The following LIPC variants were observed in gnomAD, a reference collection of about 807,000 sequenced individuals.
LIPC encodes hepatic triacylglycerol lipase.
LIPC carries 44 observed loss-of-function variants against 50.7 expected under a neutral mutation model. The observed-to-expected ratio is 0.87, with a 90% CI of 0.68 to 1.11. The LOEUF (loss-of-function observed/expected upper bound fraction) is 1.11. Ranked by LOEUF, LIPC falls within the 50% of genes most tolerant of loss-of-function variation. The pLI is 0.00. For synonymous variants in LIPC, 271 were observed against 256.4 expected (o/e 1.06, Z -0.54); for missense variants, 697 against 648.2 (o/e 1.08, Z -0.82).
At chr15:58,455,605 G>T (rs1418036593) in intron 1 of LIPC, among the ~76,000 whole-genome samples, 1 of 152,040 alleles carries the variant, frequency 6.6e-6, no homozygotes, top group Non-Finnish European at 1.5e-5. Flanking sequence ...TTTCATTTTT[G>T]TCTTCTTCAT....
intron 5 of LIPC, among the ~76,000 whole-genome samples, chr15:58,547,542 C>A (rs1893579132): frequency 6.6e-6 from 1 of 151,988 alleles, no homozygotes; most frequent in Admixed American, 6.6e-5. Flanking sequence ...TGTGCTGTCC[C>A]TTTACAGCAA....
intron 1 of LIPC, among the ~76,000 whole-genome samples, chr15:58,441,271 A>T (rs1595848550): frequency 1.3e-5 from 2 of 152,358 alleles, no homozygotes; most frequent in South Asian, 4.1e-4. Flanking sequence ...AAATCATGGG[A>T]AAGATTAACA....
intron 1 of LIPC, chr15:58,521,905 ATCTCTCTCTC>A (rs34288605): frequency 1.3e-5 from 2 of 148,466 alleles, no homozygotes; most frequent in East Asian, 2.0e-4. Flanking sequence ...ACGCTCTGTC[ATCTCTCTCTC>A]TCTCTCTCTC....
intron 1 of LIPC, among the ~76,000 whole-genome samples, chr15:58,463,271 G>T (rs1375542349): frequency 1.3e-5 from 2 of 152,228 alleles, no homozygotes; most frequent in African/African-American, 4.8e-5. Context: ...GGCCACTTGC[G>T]TAGAGCAAAG....
At chr15:58,566,514 C>T (rs1206677913) in intron 8 of LIPC, 1 of 936,550 alleles carries the variant, frequency 1.1e-6, no homozygotes, top group Non-Finnish European at 1.3e-6. Flanking sequence ...GACCAAAATC[C>T]CAGAATCGGG....
intron 1 of LIPC, chr15:58,436,907 G>T: frequency 2.2e-6 from 1 of 454,022 alleles, no homozygotes; most frequent in South Asian, 1.6e-5. Context: ...TTTCAAAAAA[G>T]ACCATCTAGG....
At chr15:58,518,859 A>G (rs1473837419) in intron 1 of LIPC, among the ~76,000 whole-genome samples, 2 of 151,896 alleles carry the variant, frequency 1.3e-5, no homozygotes, top group East Asian at 1.9e-4. Flanking sequence ...CTCTGCCTTG[A>G]TGGTGGTGGT....
At position 58,538,364 on chromosome 15, in the gene LIPC, A is replaced by G. The variant is rs150009389; in HGVS notation, c.120A>G (p.Glu40=). 4.3e-5 allele frequency: 69 copies of G among 1,614,066 alleles called. No individual in the cohort carries two copies. Among genetic ancestry groups the G allele is most frequent in the Non-Finnish European group, 4.8e-5 (57 of 1,180,036 alleles). ...TTGGAAGAAGAGCTCAAGCTGTTGA[A>G]ACAAACAAAACGCTGCATGAGATGA... is the stretch of plus-strand genomic sequence containing the variant. ...EPFGRRAQAV[E]TNKTLHEMKT... The change falls in exon 2 of 9, where the codon GAA becomes GAG. Residue 40 remains glutamate (E), a synonymous_variant. Coordinates refer to ENST00000299022, the MANE Select transcript of LIPC (RefSeq NM_000236.3).
chr15:58,469,102 TTGTGTGTGTGTGTGTGTGTG>T (rs56309142), intron 1 of LIPC, among the ~76,000 whole-genome samples: 154 of 140,716 alleles, frequency 1.1e-3, no homozygotes, highest in African/African-American at 4.0e-3. Flanking sequence ...AGGGAACATT[TTGTGTGTGTGTGTGTGTGTG>T]TGTGTGTGTG....
At chr15:58,479,334 G>C (rs528657514) in intron 1 of LIPC, among the ~76,000 whole-genome samples, 1 of 152,356 alleles carries the variant, frequency 6.6e-6, no homozygotes, top group South Asian at 2.1e-4. Context: ...TATTAATGCA[G>C]AGTTCTAGTG....
At chr15:58,514,986 T>G (rs1235070119) in intron 1 of LIPC, among the ~76,000 whole-genome samples, 1 of 152,240 alleles carries the variant, frequency 6.6e-6, no homozygotes, top group Non-Finnish European at 1.5e-5. Context: ...CTGGAGACTC[T>G]GAGGACAGAA....
Position 58,520,112 on chromosome 15 carries a change from G to GTTT in LIPC, c.89-18213_89-18211dup, listed in dbSNP as rs10631480. On this transcript the variant is annotated intron_variant, in intron 1 of 8. Coordinates refer to ENST00000299022, the MANE Select transcript of LIPC (RefSeq NM_000236.3). The stretch of plus-strand genomic sequence containing the variant: ...TTTTCGGCACCTCAGGTTTTGGGCT[G>GTTT]TTTTTTTTTTGTTTTTTTTTTAATC... Among the ~76,000 whole-genome samples, 131 of 123,476 alleles carry GTTT rather than the reference G, an allele frequency of 1.1e-3. 7 individuals carry two copies. Among genetic ancestry groups the GTTT allele is most frequent in the Middle Eastern group, 4.4e-3 (1 of 226 alleles). The allele number at this position is 123,476 out of a possible 152,430, so 81.0% of individuals were successfully genotyped here.
rs1161464498 is a variant in LIPC, at chr15:58,432,039, A to G, written c.7A>G (p.Thr3Ala). Reference sequence around the variant, plus strand: ...CCCCGGGTGAAACGGAGAAATGGACACAAGTCCCCTGTGTTTCTCCATTCT... The same window carrying G: ...CCCCGGGTGAAACGGAGAAATGGACGCAAGTCCCCTGTGTTTCTCCATTCT... MD[T>A]SPLCFSILLV... The change falls in exon 1 of 9, where the codon ACA becomes GCA. Residue 3 changes from threonine (T) to alanine (A), a missense_variant. Thr to Ala is a moderately conservative substitution (Grantham distance 58, BLOSUM62 0). Coordinates refer to ENST00000299022, the MANE Select transcript of LIPC (RefSeq NM_000236.3). 3 of 1,613,298 alleles carry G rather than the reference A, an allele frequency of 1.9e-6. No individual in the cohort carries two copies. In the African/African-American group the frequency reaches 4.0e-5, roughly 22 times the overall value.
rs181201652 is a variant in LIPC at position 58,459,813 on chromosome 15, G to A, written c.88+27693G>A. On this transcript the variant is annotated intron_variant, in intron 1 of 8. Transcript: ENST00000299022. ...CCTTACCCCTTGGGGGAAGGACAGA[G>A]GTATCTGAGGGATTCAGCCCTGGGC... 7.9e-5 allele frequency among the ~76,000 whole-genome samples: 12 copies of A among 152,358 alleles called. No homozygotes were observed. The East Asian group carries it at 9.7e-4, about 12-fold the overall frequency.
intron 1 of LIPC, among the ~76,000 whole-genome samples, chr15:58,531,640 A>AAAAG (rs1361942788): frequency 6.6e-6 from 1 of 151,148 alleles, no homozygotes; most frequent in African/African-American, 2.4e-5. Flanking sequence ...AAAAAAAAAA[A>AAAAG]AAAACCCCAG....
intron 1 of LIPC, among the ~76,000 whole-genome samples, chr15:58,448,093 G>A (rs1218418112): frequency 6.6e-6 from 1 of 152,118 alleles, no homozygotes; most frequent in Non-Finnish European, 1.5e-5. Flanking sequence ...CAAGCCCTTT[G>A]CAACAAGTTC....
In LIPC at chr15:58,548,458, T is replaced by C. The variant is rs751910773; in HGVS notation, c.937T>C (p.Cys313Arg). Reference protein sequence around the residue: ...GDMNSFSQGLCLSCKKGRCNT... With the variant: ...GDMNSFSQGLRLSCKKGRCNT... ...CATGAACAGCTTCAGCCAGGGCCTG[T>C]GCCTGAGCTGCAAGAAGGGCCGCTG... The change falls in exon 6 of 9, where the codon TGC becomes CGC. Residue 313 changes from cysteine (C) to arginine (R), a missense_variant. By Grantham distance (180) the Cys-to-Arg change is radical. Transcript: ENST00000299022. 8.7e-6 allele frequency: 14 copies of C among 1,613,238 alleles called. No homozygotes were observed. The highest frequency in any genetic ancestry group is 1.2e-5 in the Non-Finnish European group (14 of 1,179,660).
At chr15:58,523,874 G>A (rs1166596510) in intron 1 of LIPC, among the ~76,000 whole-genome samples, 3 of 151,736 alleles carry the variant, frequency 2.0e-5, no homozygotes, top group African/African-American at 7.2e-5. Context: ...GGTCAAGGCT[G>A]CAGTGAGCTA....
chr15:58,566,332 A>T, intron 8 of LIPC: 1 of 985,362 alleles, frequency 1.0e-6, no homozygotes, highest in Non-Finnish European at 1.2e-6. Flanking sequence ...GATCGGATGG[A>T]CTCCAGTGTC....
Sources: allele counts gnomAD v4.1 joint callset (sites outside exome capture counted in the v4.1 genomes callset), GRCh38; gene constraint gnomAD v4.1.1; transcripts MANE v1.5; gene names NCBI Gene and HGNC (gene_info 2026-07-23, HGNC 2026-07-21).